The following ARHGAP35 variants were observed in gnomAD, a reference collection of about 807,000 sequenced individuals.
The protein encoded by ARHGAP35 is Rho GTPase activating protein 35.
In ARHGAP35, 15 loss-of-function variants were observed where a neutral mutation model predicts 111.1. The observed-to-expected ratio is 0.13, with a 90% CI of 0.09 to 0.21. The LOEUF is 0.21. Among genes scored for constraint, ARHGAP35 ranks in the 10% least tolerant of loss-of-function variants. ARHGAP35 has a pLI of 1.00. For missense variants in ARHGAP35, 1,262 were observed against 1,873.0 expected (o/e 0.67, Z 6.02); for synonymous variants, 643 against 710.3 (o/e 0.91, Z 1.51).
intron 1 of ARHGAP35, among the ~76,000 whole-genome samples, chr19:46,870,610 G>C (rs534594594): frequency 6.6e-6 from 1 of 152,004 alleles, no homozygotes; most frequent in Non-Finnish European, 1.5e-5. Context: ...TCCTCTGATT[G>C]GTCAGTCAAC....
intron 3 of ARHGAP35, among the ~76,000 whole-genome samples, chr19:46,942,214 C>A (rs10403899): frequency 6.6e-6 from 1 of 152,202 alleles, no homozygotes; most frequent in East Asian, 1.9e-4. Context: ...GTGAAAACCA[C>A]CGTTAATGAT....
intron 1 of ARHGAP35, among the ~76,000 whole-genome samples, chr19:46,866,599 G>A (rs975813203): frequency 2.2e-4 from 33 of 152,060 alleles, no homozygotes; most frequent in Non-Finnish European, 2.1e-4. Flanking sequence ...AGTTAGAGTT[G>A]GAGCTTAGGA....
At chr19:46,991,179 T>A (rs1415398420) in intron 5 of ARHGAP35, among the ~76,000 whole-genome samples, 2 of 152,196 alleles carry the variant, frequency 1.3e-5, no homozygotes, top group East Asian at 1.9e-4. Flanking sequence ...CAGGCACAGA[T>A]GTGAAGTCGC....
chr19:46,925,648 TGG>T (rs2056233774), intron 2 of ARHGAP35, among the ~76,000 whole-genome samples: 1 of 152,176 alleles, frequency 6.6e-6, no homozygotes, highest in African/African-American at 2.4e-5. Context: ...AGGCTATGTG[TGG>T]GCATGTCGGG....
At chr19:46,889,442 A>T (rs2056013115) in intron 1 of ARHGAP35, among the ~76,000 whole-genome samples, 1 of 150,672 alleles carries the variant, frequency 6.6e-6, no homozygotes, top group Non-Finnish European at 1.5e-5. Context: ...CTGGGTGACG[A>T]GTGAAACTCC....
chr19:46,955,597 T>C (rs967739268), intron 3 of ARHGAP35, among the ~76,000 whole-genome samples: 4 of 152,162 alleles, frequency 2.6e-5, no homozygotes, highest in African/African-American at 4.8e-5. Flanking sequence ...ATGTTTTTTG[T>C]TTTGTTTTGT....
At chr19:46,950,285 A>G (rs1362194954) in intron 3 of ARHGAP35, among the ~76,000 whole-genome samples, 3 of 152,168 alleles carry the variant, frequency 2.0e-5, no homozygotes, top group Non-Finnish European at 4.4e-5. Flanking sequence ...GTAGACTTTC[A>G]TCATGTGAAT....
rs1163428889 is a variant in ARHGAP35 at position 46,872,322 on chromosome 19, CTG to C, written c.-189+11117_-189+11118del. Among the ~76,000 whole-genome samples, 9 of 151,426 alleles carry C rather than the reference CTG, an allele frequency of 5.9e-5. No homozygotes were observed. The East Asian group carries it at 1.5e-3, about 26-fold the overall frequency. On this transcript the variant is annotated intron_variant, in intron 1 of 6. Coordinates refer to ENST00000672722, the MANE Select transcript of ARHGAP35 (RefSeq NM_004491.5). ...TATGCTGAAGTGTTATTAGTTAACT[CTG>C]TGTTGTAGGATTATGGGTGATTAAA... is the stretch of plus-strand genomic sequence containing the variant.
In ARHGAP35 at chr19:47,001,481, G is replaced by A. The variant is rs932657989; in HGVS notation, c.*793G>A. Reference sequence around the variant, plus strand: ...CTGTGCCCGCCTCTGCCGGGAGGGAGGGAGGCACACAGGTGGAGCTGACCC... The same window carrying A: ...CTGTGCCCGCCTCTGCCGGGAGGGAAGGAGGCACACAGGTGGAGCTGACCC... On this transcript the variant is annotated 3_prime_UTR_variant, in exon 7 of 7. Transcript: ENST00000672722. This position sits in a 1 kb window ranked among gnomAD's most constrained non-coding sequence, Gnocchi z 5.4. 26 of 1,106,542 alleles carry A rather than the reference G, an allele frequency of 2.3e-5. No individual in the cohort carries two copies. Among genetic ancestry groups the A allele is most frequent in the Non-Finnish European group, 3.0e-5 (25 of 828,432 alleles). 68.5% of individuals were successfully genotyped at this position (1,106,542 alleles called of 1,614,324 possible).
At chr19:46,899,479 A>G (rs893315114) in intron 1 of ARHGAP35, among the ~76,000 whole-genome samples, 1 of 152,136 alleles carries the variant, frequency 6.6e-6, no homozygotes, top group African/African-American at 2.4e-5. Context: ...CAATCATTTG[A>G]GCCCAGGAGT....
intron 1 of ARHGAP35, among the ~76,000 whole-genome samples, chr19:46,874,736 C>G (rs2055907632): frequency 6.6e-6 from 1 of 150,642 alleles, no homozygotes; most frequent in East Asian, 1.9e-4. Context: ...AACTCCTGAC[C>G]TCGTGGTCCA....
intron 3 of ARHGAP35, among the ~76,000 whole-genome samples, chr19:46,962,645 C>T (rs978539876): frequency 2.0e-5 from 3 of 152,106 alleles, no homozygotes; most frequent in Non-Finnish European, 2.9e-5. Context: ...CTCGCTTTGT[C>T]GCCCAGGCTG....
chr19:46,925,003 T>TA (rs1372568734), intron 2 of ARHGAP35, among the ~76,000 whole-genome samples: 1 of 152,188 alleles, frequency 6.6e-6, no homozygotes, highest in Admixed American at 6.5e-5. Context: ...TTCATGCTGG[T>TA]AATGAGCACT....
At chr19:46,930,900 A>G (rs2056269110) in intron 2 of ARHGAP35, among the ~76,000 whole-genome samples, 1 of 151,956 alleles carries the variant, frequency 6.6e-6, no homozygotes, top group African/African-American at 2.4e-5. Context: ...CCAGTTTGTT[A>G]TGTGGCCTTG....
chr19:46,964,772 G>A (rs1414279980), intron 3 of ARHGAP35, among the ~76,000 whole-genome samples: 2 of 152,172 alleles, frequency 1.3e-5, no homozygotes, highest in African/African-American at 4.8e-5. Flanking sequence ...AGGTCAATAT[G>A]TGAATCCTTT....
intron 1 of ARHGAP35, among the ~76,000 whole-genome samples, chr19:46,899,109 T>G (rs2056071568): frequency 6.6e-6 from 1 of 152,126 alleles, no homozygotes; most frequent in Non-Finnish European, 1.5e-5. Context: ...GAAGGGCGCG[T>G]TTGACCAAAT....
chr19:46,868,206 G>A (rs1186336566), intron 1 of ARHGAP35, among the ~76,000 whole-genome samples: 1 of 152,220 alleles, frequency 6.6e-6, no homozygotes, highest in East Asian at 1.9e-4. Flanking sequence ...TTGCTGCATT[G>A]TAAATTTCTT....
chr19:46,895,412 G>A (rs1389430032), intron 1 of ARHGAP35, among the ~76,000 whole-genome samples: 2 of 152,046 alleles, frequency 1.3e-5, no homozygotes, highest in African/African-American at 2.4e-5. Context: ...TGATCCACCC[G>A]CCTCGGCCTC....
intron 3 of ARHGAP35, among the ~76,000 whole-genome samples, chr19:46,974,860 A>C (rs946242733): frequency 6.6e-6 from 1 of 151,970 alleles, no homozygotes; most frequent in Non-Finnish European, 1.5e-5. Flanking sequence ...CATGAAACTC[A>C]GGTTTGGTTG....
Sources: gnomAD v4.1 joint callset for allele counts (sites outside exome capture counted in the v4.1 genomes callset) on GRCh38, gnomAD v4.1.1 for gene constraint, Gnocchi (gnomAD v3.1) non-coding constraint, MANE v1.5 for transcripts, NCBI Gene and HGNC (gene_info 2026-07-23, HGNC 2026-07-21) for gene names.